Variants in SP100 observed in about 807,000 individuals in gnomAD.
SP100 encodes the protein nuclear autoantigen Sp-100.
Under a neutral mutation model 130.0 loss-of-function variants are expected in SP100, and 84 were observed. The ratio of observed to expected loss-of-function variants is 0.65; its 90% CI spans 0.54 to 0.77. The LOEUF (loss-of-function observed/expected upper bound fraction) is 0.77, where lower values mean the gene tolerates loss of function less well. SP100 is among the 30% of genes least tolerant of loss of function. SP100 has a pLI of 0.00. For missense variants in SP100, 978 were observed against 1,052.2 expected (o/e 0.93, Z 0.97); for synonymous variants, 331 against 351.7 (o/e 0.94, Z 0.66).
intron 8 of SP100, among the ~76,000 whole-genome samples, chr2:230,456,549 A>G (rs2064284128): frequency 6.6e-6 from 1 of 152,030 alleles, no homozygotes; most frequent in Admixed American, 6.6e-5. Context: ...TGATTCAAAT[A>G]TTTGCTCTTT....
At chr2:230,513,256 C>T (rs560555650) in intron 24 of SP100, among the ~76,000 whole-genome samples, 122 of 152,260 alleles carry the variant, frequency 8.0e-4, no homozygotes, top group African/African-American at 2.8e-3. Context: ...GGATACAGAT[C>T]GCAACATGCA....
At chr2:230,483,644 C>T (rs908263713) in intron 17 of SP100, among the ~76,000 whole-genome samples, 2 of 152,028 alleles carry the variant, frequency 1.3e-5, no homozygotes, top group African/African-American at 4.8e-5. Flanking sequence ...TTGCAATGGT[C>T]TCGGAAGGGT....
intron 17 of SP100, among the ~76,000 whole-genome samples, chr2:230,485,958 T>A (rs1364157298): frequency 1.3e-5 from 2 of 152,224 alleles, no homozygotes; most frequent in Non-Finnish European, 2.9e-5. Context: ...AAGGAAGATT[T>A]GCATTTTTCT....
intron 28 of SP100, among the ~76,000 whole-genome samples, chr2:230,542,526 T>C (rs957274406): frequency 6.6e-6 from 1 of 152,216 alleles, no homozygotes; most frequent in African/African-American, 2.4e-5. Context: ...TAAATGGCCT[T>C]AAACATTTCT....
At chr2:230,446,453 A>G (rs1034131339) in intron 4 of SP100, among the ~76,000 whole-genome samples, 1 of 152,214 alleles carries the variant, frequency 6.6e-6, no homozygotes, top group African/African-American at 2.4e-5. Flanking sequence ...CTGGCTGATT[A>G]TAAAAAAGTG....
chr2:230,472,382 C>T (rs191931565), intron 15 of SP100, among the ~76,000 whole-genome samples: 298 of 140,976 alleles, frequency 2.1e-3, no homozygotes, highest in African/African-American at 6.8e-3. Context: ...GAACCAAGAT[C>T]GCACCACTGC....
chr2:230,466,190 A>AAAAAAC (rs2064943205), intron 11 of SP100, 111 bp from the exon 12 acceptor site: 1 of 555,514 alleles, frequency 1.8e-6, no homozygotes, highest in African/African-American at 2.0e-5. Flanking sequence ...ATCTCAAAAA[A>AAAAAAC]AAAAAAAAAA....
At chr2:230,522,476 C>CTGTTTTTT (rs1691217752) in intron 24 of SP100, among the ~76,000 whole-genome samples, 1 of 82,138 alleles carries the variant, frequency 1.2e-5, no homozygotes, top group African/African-American at 5.0e-5. Flanking sequence ...CCCCAGTGTT[C>CTGTTTTTT]TTTTTTTTTT....
intron 17 of SP100, among the ~76,000 whole-genome samples, chr2:230,481,795 T>C (rs968585496): frequency 2.0e-5 from 3 of 152,218 alleles, no homozygotes; most frequent in African/African-American, 7.2e-5. Flanking sequence ...CCTCACTTGC[T>C]ACTCTGGCCT....
At chr2:230,512,513 C>A (rs897901634) in intron 24 of SP100, among the ~76,000 whole-genome samples, 8 of 151,712 alleles carry the variant, frequency 5.3e-5, no homozygotes, top group African/African-American at 1.4e-4. Context: ...TGGTCTTGAA[C>A]TCCTGACCTC....
intron 24 of SP100, among the ~76,000 whole-genome samples, chr2:230,518,649 AT>A (rs1691033300): frequency 6.6e-6 from 1 of 151,866 alleles, no homozygotes; most frequent in Admixed American, 6.6e-5. Context: ...ATTTACATTT[AT>A]TTTTAACAGT....
chr2:230,516,478 G>C (rs546136259), intron 24 of SP100: 1 of 152,054 alleles, frequency 6.6e-6, no homozygotes, highest in South Asian at 2.1e-4. Flanking sequence ...GAAAAGAATC[G>C]GCAATGTTTC....
chr2:230,475,796 C>A (rs1467712886), intron 17 of SP100, among the ~76,000 whole-genome samples: 1 of 152,128 alleles, frequency 6.6e-6, no homozygotes, highest in Non-Finnish European at 1.5e-5. Flanking sequence ...AATAGACAGT[C>A]CATTTCCCAT....
At chr2:230,517,720 G>T (rs1690988260) in intron 24 of SP100, among the ~76,000 whole-genome samples, 1 of 150,148 alleles carries the variant, frequency 6.7e-6, no homozygotes, top group Admixed American at 6.6e-5. Context: ...AGCCGAGATT[G>T]CACCACTGTA....
intron 13 of SP100, among the ~76,000 whole-genome samples, chr2:230,468,667 T>C (rs2065085547): frequency 1.3e-5 from 2 of 151,694 alleles, no homozygotes; most frequent in South Asian, 2.1e-4. Context: ...TGCAAAAAAT[T>C]AGCTGGGCAT....
In SP100 at chr2:230,544,841, A is replaced by G. The variant is rs1692269064; in HGVS notation, c.*1895A>G. Among the ~76,000 whole-genome samples the G allele has an allele frequency of 6.6e-6, 1 of 152,238 alleles. No individual in the cohort carries two copies. The highest frequency in any genetic ancestry group is 1.5e-5 in the Non-Finnish European group (1 of 68,038). On this transcript the variant is annotated 3_prime_UTR_variant, in exon 29 of 29. Transcript: ENST00000340126. ...CCAACAAGCATGTTTTAAAAGCTCAATATCACTGATCGTTAGAGACATGCA... is the reference window on the plus strand; with the variant it reads ...CCAACAAGCATGTTTTAAAAGCTCAGTATCACTGATCGTTAGAGACATGCA...
In SP100 at chr2:230,545,574, A is replaced by C. The variant is rs900391205; in HGVS notation, c.*2628A>C. 4.6e-5 allele frequency among the ~76,000 whole-genome samples: 7 copies of C among 152,124 alleles called. No individual in the cohort carries two copies. Among genetic ancestry groups the C allele is most frequent in the African/African-American group, 1.7e-4 (7 of 41,430 alleles). ...CTAAAAGTTTTTTTAATTGTAAATA[A>C]ATGGATCATTAAAAAAAATTTTAAT... On this transcript the variant is annotated 3_prime_UTR_variant, in exon 29 of 29. Coordinates refer to ENST00000340126, the MANE Select transcript of SP100 (RefSeq NM_001080391.2).
chr2:230,473,997 A>C (rs1459909787), intron 16 of SP100, among the ~76,000 whole-genome samples: 1 of 152,202 alleles, frequency 6.6e-6, no homozygotes, highest in Non-Finnish European at 1.5e-5. Flanking sequence ...AGGAAAGAAA[A>C]ATCAGATACC....
chr2:230,438,648 TACACACAC>T lies in SP100; in HGVS notation c.108-4257_108-4250del, dbSNP rs796889943. Among the ~76,000 whole-genome samples, 322 of 127,488 alleles carry T rather than the reference TACACACAC, an allele frequency of 2.5e-3. 1 individual carries two copies. Among genetic ancestry groups the T allele is most frequent in the African/African-American group, 9.2e-3 (308 of 33,604 alleles). The allele number at this position is 127,488 out of a possible 152,430, so 83.6% of individuals were successfully genotyped here. ...AGTAGTACTCCATGGTGTATATATA[TACACACAC>T]ACACACACACACACACACACACACA... On this transcript the variant is annotated intron_variant, in intron 2 of 28. Coordinates refer to ENST00000340126, the MANE Select transcript of SP100 (RefSeq NM_001080391.2).
Sources: allele counts gnomAD v4.1 joint callset (sites outside exome capture counted in the v4.1 genomes callset), GRCh38; gene constraint gnomAD v4.1.1; transcripts MANE v1.5; gene names NCBI Gene and HGNC (gene_info 2026-07-23, HGNC 2026-07-21).